PRKAG1: variants seen among roughly 807,000 people sequenced by gnomAD.
PRKAG1 encodes 5'-AMP-activated protein kinase subunit gamma-1.
In PRKAG1, 27 loss-of-function variants were observed where a neutral mutation model predicts 48.2. The ratio of observed to expected loss-of-function variants is 0.56; its 90% CI spans 0.41 to 0.77. The LOEUF is 0.77. Among genes scored for constraint, PRKAG1 ranks in the 30% least tolerant of loss-of-function variants. The pLI is 0.00. For synonymous variants in PRKAG1, 130 were observed against 147.7 expected, an observed-to-expected ratio of 0.88 and a Z score of 0.87; for missense variants, 287 against 398.3, an observed-to-expected ratio of 0.72 and a Z score of 2.38.
chr12:49,004,862 T>C, intron 7 of PRKAG1, 102 bp downstream of exon 7: 1 of 1,152,674 alleles, frequency 8.7e-7, no homozygotes, highest in Non-Finnish European at 1.3e-6. Flanking sequence ...TGTGTGTGTG[T>C]CTTTTCTCTC....
chr12:49,004,243 G>A, intron 8 of PRKAG1: 1 of 534,168 alleles, frequency 1.9e-6, no homozygotes, highest in Non-Finnish European at 3.2e-6. Context: ...AGTGAGCCAT[G>A]ATAGCGCCTC....
In PRKAG1 at chr12:49,003,748, A is replaced by G. The variant is rs898173047; in HGVS notation, c.703+9T>C. On this transcript the variant is annotated intron_variant, in intron 9 of 11. Transcript: ENST00000548065. The stretch of plus-strand genomic sequence containing the variant: ...TCTTCCCTCCCTCTCCTTCTGCCCA[A>G]TCTCTCACCCTTCTCATCCACCACT... 2 of 1,610,094 alleles carry G rather than the reference A, an allele frequency of 1.2e-6. No individual in the cohort carries two copies. Among genetic ancestry groups the G allele is most frequent in the Non-Finnish European group, 1.7e-6 (2 of 1,177,866 alleles).
intron 1 of PRKAG1, chr12:49,018,394 C>G: frequency 8.6e-7 from 1 of 1,161,364 alleles, no homozygotes; most frequent in Non-Finnish European, 1.1e-6. Context: ...GCTCACAACC[C>G]TGCGCTCTCA....
intron 7 of PRKAG1, 119 bp downstream of exon 7, chr12:49,004,845 G>C (rs1941464629): frequency 1.6e-5 from 17 of 1,072,754 alleles, no homozygotes; most frequent in Non-Finnish European, 2.4e-5. Flanking sequence ...GTGTGTGTGT[G>C]TGTGTGTGTG....
chr12:49,002,866 A>G lies in PRKAG1; in HGVS notation c.*33T>C. On this transcript the variant is annotated 3_prime_UTR_variant, in exon 12 of 12. Transcript: ENST00000548065. ...TTCCAGCAGGCAGTGAGTTGGGCATATCCCCTGGTGCTGCATGACCCCTTC... is the reference window on the plus strand; with the variant it reads ...TTCCAGCAGGCAGTGAGTTGGGCATGTCCCCTGGTGCTGCATGACCCCTTC... The G allele has an allele frequency of 1.3e-6, 2 of 1,577,714 alleles. No homozygotes were observed. Among genetic ancestry groups the G allele is most frequent in the Non-Finnish European group, 1.7e-6 (2 of 1,148,282 alleles).
intron 1 of PRKAG1, chr12:49,017,720 C>G (rs1202020361): frequency 6.6e-6 from 1 of 152,446 alleles, no homozygotes; most frequent in Non-Finnish European, 1.5e-5. Flanking sequence ...GAATTGGCTC[C>G]CTTGCCTGGG....
intron 1 of PRKAG1, chr12:49,016,957 C>T (rs573948475): frequency 5.8e-6 from 2 of 343,882 alleles, no homozygotes; most frequent in East Asian, 8.3e-5. Flanking sequence ...CAACATCATG[C>T]CGCTGGCTCA....
At position 49,005,441 on chromosome 12, in the gene PRKAG1, G is replaced by A; in HGVS notation, c.250+21C>T. ...CAGCACAAGATGCCAATAATATTGT[G>A]TTCCAGAAACTTTTGCTTACCCACA... is the stretch of plus-strand genomic sequence containing the variant. On this transcript the variant is annotated intron_variant, in intron 4 of 11. Coordinates refer to ENST00000548065, the MANE Select transcript of PRKAG1 (RefSeq NM_002733.5). This position sits in a 1 kb window ranked among gnomAD's most constrained non-coding sequence, Gnocchi z 4.1. 1 of 1,614,018 alleles carries A rather than the reference G, an allele frequency of 6.2e-7. No homozygotes were observed. Among genetic ancestry groups the A allele is most frequent in the Non-Finnish European group, 8.5e-7 (1 of 1,180,010 alleles).
chr12:49,003,044 T>G (rs770126811), intron 11 of PRKAG1, 38 bp from the exon 12 acceptor site: 1 of 1,613,004 alleles, frequency 6.2e-7, no homozygotes, highest in South Asian at 1.1e-5. Context: ...GAATGTTTAG[T>G]GCTGGCCTCA....
At chr12:49,014,734 A>C (rs978035673) in intron 1 of PRKAG1, among the ~76,000 whole-genome samples, 6 of 152,236 alleles carry the variant, frequency 3.9e-5, no homozygotes, top group Non-Finnish European at 7.3e-5. Context: ...CTGGTTTTCC[A>C]AGTTTCCCTT....
intron 1 of PRKAG1, chr12:49,017,893 A>G (rs1942057738): frequency 6.6e-6 from 1 of 152,298 alleles, no homozygotes; most frequent in Non-Finnish European, 1.5e-5. Context: ...ACAGTAGCAG[A>G]TGATAAAAAC....
chr12:49,004,009 G>A (rs1327229846), intron 8 of PRKAG1, 87 bp from the exon 9 acceptor site: 8 of 1,491,196 alleles, frequency 5.4e-6, no homozygotes, highest in Non-Finnish European at 7.1e-6. Context: ...AGAAATAAGG[G>A]CTGGGTGCGC....
rs77394965 is a variant in PRKAG1 at position 49,004,896 on chromosome 12, T to C, written c.410+68A>G. ...TCTTCTTCCCCTTTCCCTGGGTGTC[T>C]AGGGCATTAGCTAGGCTGATGACAA... On this transcript the variant is annotated intron_variant, in intron 7 of 11. Transcript: ENST00000548065. 2.8e-3 allele frequency: 4,272 copies of C among 1,527,520 alleles called. 113 individuals are homozygous for C. The African/African-American group carries it at 0.05, about 18-fold the overall frequency. The allele number at this position is 1,527,520 out of a possible 1,614,324, so 94.6% of individuals were successfully genotyped here. A position where few individuals can be genotyped will look rare whatever the true frequency, so the allele number is the denominator to read the frequency against.
chr12:49,006,507 A>T (rs1941542903), intron 2 of PRKAG1, among the ~76,000 whole-genome samples: 1 of 152,234 alleles, frequency 6.6e-6, no homozygotes, highest in African/African-American at 2.4e-5. Context: ...CCATTCTGGG[A>T]TCACCCTGTA....
chr12:49,014,473 C>T (rs923647587), intron 1 of PRKAG1, among the ~76,000 whole-genome samples: 3 of 152,338 alleles, frequency 2.0e-5, no homozygotes, highest in African/African-American at 7.2e-5. Context: ...AGAGAGACAG[C>T]ATTGTCTTCC....
At chr12:49,018,597 A>G (rs1942105620) in intron 1 of PRKAG1, 135 bp downstream of exon 1, 1 of 1,558,098 alleles carries the variant, frequency 6.4e-7, no homozygotes, top group African/African-American at 1.4e-5. Flanking sequence ...GGGTCACGGG[A>G]TAGGGCAGAC....
intron 1 of PRKAG1, among the ~76,000 whole-genome samples, chr12:49,015,784 G>A (rs1941944700): frequency 6.6e-6 from 1 of 151,784 alleles, no homozygotes; most frequent in African/African-American, 2.4e-5. Context: ...CACTATGTTG[G>A]CCAGGCTGGT....
intron 2 of PRKAG1, 109 bp downstream of exon 2, chr12:49,012,953 T>A (rs1357857791): frequency 8.8e-7 from 1 of 1,138,692 alleles, no homozygotes; most frequent in Non-Finnish European, 1.3e-6. Flanking sequence ...GCACATTATC[T>A]GGCCCTGCTT....
chr12:49,006,016 G>T, intron 2 of PRKAG1, 164 bp from the exon 3 acceptor site: 1 of 563,398 alleles, frequency 1.8e-6, no homozygotes, highest in Non-Finnish European at 3.0e-6. Context: ...CACAAAACCT[G>T]GATAAACCTC....
Sources: allele counts gnomAD v4.1 joint callset (sites outside exome capture counted in the v4.1 genomes callset), GRCh38; gene constraint gnomAD v4.1.1; non-coding constraint Gnocchi (gnomAD v3.1); transcripts MANE v1.5; gene names NCBI Gene and HGNC (gene_info 2026-07-23, HGNC 2026-07-21).